Variants in P2RX1 observed in about 807,000 individuals in gnomAD.
The protein encoded by P2RX1 is P2X purinoceptor 1.
P2RX1 carries 42 observed loss-of-function variants against 50.3 expected under a neutral mutation model. The observed-to-expected ratio is 0.83, with a 90% confidence interval of 0.65 to 1.08. The LOEUF (loss-of-function observed/expected upper bound fraction) is 1.08, where lower values mean the gene tolerates loss of function less well. P2RX1 is among the 50% of genes least tolerant of loss of function. The pLI, the probability that P2RX1 is intolerant of heterozygous loss-of-function variation, is 0.00. For missense variants in P2RX1, 449 were observed against 529.0 expected (o/e 0.85, Z 1.48); for synonymous variants, 199 against 202.6 (o/e 0.98, Z 0.15).
rs762539858 is a variant in P2RX1, at chr17:3,904,348, C to A, written c.409G>T (p.Ala137Ser). ...ACCTTACCTTGGGCCTTCCTCTTGG[C>A]CTTCCCAGGGGTACAGCCACTGTCT... Reference protein sequence around the residue: ...KEDSGCTPGKAKRKAQGIRTG... With the variant: ...KEDSGCTPGKSKRKAQGIRTG... The change falls in exon 4 of 12, where the codon GCC (alanine) becomes TCC (serine). Residue 137 changes from alanine (A) to serine (S), a missense_variant. Ala to Ser is a moderately conservative substitution (Grantham distance 99). Transcript: ENST00000225538. 1 of 1,614,036 alleles carries A rather than the reference C, an allele frequency of 6.2e-7. No homozygotes were observed. The highest frequency in any genetic ancestry group is 1.1e-5 in the South Asian group (1 of 91,082).
chr17:3,910,435 G>C (rs762404484), intron 1 of P2RX1, among the ~76,000 whole-genome samples: 1 of 152,226 alleles, frequency 6.6e-6, no homozygotes, highest in South Asian at 2.1e-4. Flanking sequence ...CACCCAGGCA[G>C]CATCCTCACA....
At chr17:3,907,021 T>C (rs2056277885) in intron 1 of P2RX1, among the ~76,000 whole-genome samples, 2 of 152,032 alleles carry the variant, frequency 1.3e-5, no homozygotes. Flanking sequence ...ACAATGAAGC[T>C]CTCCTAGAGG....
intron 1 of P2RX1, among the ~76,000 whole-genome samples, chr17:3,905,847 C>CAAA (rs60059213): frequency 9.7e-6 from 1 of 103,186 alleles, no homozygotes; most frequent in Non-Finnish European, 2.1e-5. Context: ...AATTCTGTCT[C>CAAA]AAAAAAAAAA....
chr17:3,908,223 G>A (rs1171569669), intron 1 of P2RX1, among the ~76,000 whole-genome samples: 3 of 152,180 alleles, frequency 2.0e-5, no homozygotes, highest in Non-Finnish European at 4.4e-5. Flanking sequence ...CGAAGGGAAA[G>A]GTCGGTCAGA....
In P2RX1 at chr17:3,897,588, G is replaced by T; in HGVS notation, c.*226C>A. The T allele has an allele frequency of 5.1e-6, 3 of 593,700 alleles. No individual in the cohort carries two copies. The highest frequency in any genetic ancestry group is 1.9e-5 in the South Asian group (1 of 51,964). The allele number at this position is 593,700 out of a possible 1,614,324, so 36.8% of individuals were successfully genotyped here. On this transcript the variant is annotated 3_prime_UTR_variant, in exon 12 of 12. Coordinates refer to ENST00000225538, the MANE Select transcript of P2RX1 (RefSeq NM_002558.4). ...GCCCCAGCCATTCCCCACCAGGAGC[G>T]GCTGAGGCTAGGGTAGGGCTCCCTC... is the stretch of plus-strand genomic sequence containing the variant.
chr17:3,905,450 G>T, intron 1 of P2RX1, 83 bp from the exon 2 acceptor site: 1 of 1,504,918 alleles, frequency 6.6e-7, no homozygotes, highest in Non-Finnish European at 9.1e-7. Flanking sequence ...CTCCCCAGAT[G>T]TGCCTCTGAG....
intron 2 of P2RX1, 144 bp from the exon 3 acceptor site, chr17:3,905,073 G>A: frequency 8.3e-7 from 1 of 1,202,628 alleles, no homozygotes; most frequent in South Asian, 1.3e-5. Context: ...AACATGGGGT[G>A]ATATCACCAG....
chr17:3,909,082 G>A (rs2056318404), intron 1 of P2RX1, among the ~76,000 whole-genome samples: 1 of 152,028 alleles, frequency 6.6e-6, no homozygotes, highest in Non-Finnish European at 1.5e-5. Flanking sequence ...CCAGGCTGGA[G>A]TGCGGTGGCA....
chr17:3,899,702 G>C lies in P2RX1; in HGVS notation c.807C>G (p.His269Gln). The change falls in exon 8 of 12, where the codon CAC (histidine) becomes CAG (glutamine). Residue 269 changes from histidine (H) to glutamine (Q), a missense_variant. Transcript: ENST00000225538. Reference sequence around the variant, plus strand: ...CATGGAACTCATAGATGGGTCTGCAGTGCCGTACGTGCCAGTCCAGGTCAC... The same window carrying C: ...CATGGAACTCATAGATGGGTCTGCACTGCCGTACGTGCCAGTCCAGGTCAC... The part of the protein sequence containing the change: ...WHCDLDWHVR[H>Q]CRPIYEFHGL... The C allele has an allele frequency of 1.2e-6, 2 of 1,614,040 alleles. No individual in the cohort carries two copies. Among genetic ancestry groups the C allele is most frequent in the Non-Finnish European group, 8.5e-7 (1 of 1,179,936 alleles).
At chr17:3,904,222 T>C in intron 4 of P2RX1, 108 bp downstream of exon 4, 1 of 1,215,032 alleles carries the variant, frequency 8.2e-7, no homozygotes, top group Non-Finnish European at 1.2e-6. Flanking sequence ...GGAGGCCGCC[T>C]CGGCGGGAGG....
chr17:3,907,500 A>C (rs1370390685), intron 1 of P2RX1, among the ~76,000 whole-genome samples: 2 of 151,944 alleles, frequency 1.3e-5, no homozygotes, highest in Non-Finnish European at 2.9e-5. Flanking sequence ...CTGGTAACAG[A>C]ACTCTCCAGG....
intron 7 of P2RX1, among the ~76,000 whole-genome samples, chr17:3,901,251 T>TA (rs1322367580): frequency 2.0e-5 from 3 of 152,156 alleles, no homozygotes; most frequent in Non-Finnish European, 4.4e-5. Flanking sequence ...ATATTTTTAG[T>TA]AGAGACGGGG....
At chr17:3,907,810 C>T (rs2056294799) in intron 1 of P2RX1, among the ~76,000 whole-genome samples, 1 of 152,038 alleles carries the variant, frequency 6.6e-6, no homozygotes, top group African/African-American at 2.4e-5. Flanking sequence ...CCCCACTGGC[C>T]TCCTTGGGCC....
intron 1 of P2RX1, among the ~76,000 whole-genome samples, chr17:3,906,282 C>T (rs1243497881): frequency 9.2e-5 from 14 of 152,168 alleles, no homozygotes; most frequent in Admixed American, 9.2e-4. Flanking sequence ...CAGGCATGCA[C>T]CACCACGCCC....
intron 9 of P2RX1, 34 bp downstream of exon 9, chr17:3,898,900 C>T (rs1052654607): frequency 7.1e-6 from 11 of 1,546,390 alleles, no homozygotes; most frequent in Non-Finnish European, 9.8e-6. Flanking sequence ...GAGAATGTGT[C>T]TCAGCTGCCA....
Position 3,897,771 on chromosome 17 carries a change from T to C in P2RX1, c.*43A>G. 1.3e-6 allele frequency: 2 copies of C among 1,589,322 alleles called. No individual in the cohort carries two copies. Among genetic ancestry groups the C allele is most frequent in the South Asian group, 2.2e-5 (2 of 90,082 alleles). On this transcript the variant is annotated 3_prime_UTR_variant, in exon 12 of 12. Coordinates refer to ENST00000225538, the MANE Select transcript of P2RX1 (RefSeq NM_002558.4). ...GCTGGGACCCACCAGGGCTCCAGGC[T>C]GAAGCCTCACGCTGCACCCAGTCAG... is the stretch of plus-strand genomic sequence containing the variant.
At chr17:3,908,272 G>A (rs932084239) in intron 1 of P2RX1, among the ~76,000 whole-genome samples, 1 of 152,160 alleles carries the variant, frequency 6.6e-6, no homozygotes, top group Non-Finnish European at 1.5e-5. Flanking sequence ...ATAATAGAAT[G>A]ACTATGGGCT....
rs369010784 is a variant in P2RX1 at position 3,903,384 on chromosome 17, C to T, written c.606-41G>A. The T allele has an allele frequency of 1.2e-5, 19 of 1,612,774 alleles. No individual in the cohort carries two copies. The highest frequency in any genetic ancestry group is 1.0e-4 in the Admixed American group (6 of 59,902). ...GTGTTGACAGCTGCTGTGTGTCATC[C>T]GGGAGGGTGCCCACCACGCCCCAAA... On this transcript the variant is annotated intron_variant, in intron 6 of 11. Coordinates refer to ENST00000225538, the MANE Select transcript of P2RX1 (RefSeq NM_002558.4). This position sits in a 1 kb window ranked among gnomAD's most constrained non-coding sequence, Gnocchi z 4.6.
chr17:3,898,510 C>G lies in P2RX1; in HGVS notation c.1006G>C (p.Gly336Arg). The G allele has an allele frequency of 3.1e-6, 5 of 1,613,984 alleles. No individual in the cohort carries two copies. Among genetic ancestry groups the G allele is most frequent in the Non-Finnish European group, 4.2e-6 (5 of 1,179,900 alleles). Residue 336 changes from glycine (G) to arginine (R), a missense_variant, in exon 10 of 12, where the codon GGC (glycine) becomes CGC (arginine). Transcript: ENST00000225538. Reference protein sequence around the residue: ...FDIIPTMTTIGSGIGIFGVAT... With the variant: ...FDIIPTMTTIRSGIGIFGVAT... ...ACCCCAAAGATGCCAATTCCAGAGC[C>G]GATGGTGGTCATTGTAGGGATGATG...
Sources: allele counts gnomAD v4.1 joint callset (sites outside exome capture counted in the v4.1 genomes callset), GRCh38; gene constraint gnomAD v4.1.1; non-coding constraint Gnocchi (gnomAD v3.1); transcripts MANE v1.5; gene names NCBI Gene and HGNC (gene_info 2026-07-23, HGNC 2026-07-21).